Variants in CCBE1 observed in about 807,000 individuals in gnomAD.
The protein encoded by CCBE1 is collagen and calcium-binding EGF domain-containing protein 1.
In CCBE1, 37 loss-of-function variants were observed where a neutral mutation model predicts 50.0. The ratio of observed to expected loss-of-function variants is 0.74; its 90% confidence interval spans 0.57 to 0.97. The LOEUF (loss-of-function observed/expected upper bound fraction) is 0.97. CCBE1 is among the 50% of genes least tolerant of loss of function. The pLI is 0.00. For missense variants in CCBE1, 538 were observed against 523.8 expected, an observed-to-expected ratio of 1.03 and a Z score of -0.26; for synonymous variants, 234 against 203.7, an observed-to-expected ratio of 1.15 and a Z score of -1.27.
At chr18:59,537,982 C>T (rs1343682601) in intron 2 of CCBE1, among the ~76,000 whole-genome samples, 1 of 152,150 alleles carries the variant, frequency 6.6e-6, no homozygotes, top group African/African-American at 2.4e-5. Flanking sequence ...GAGTACATAG[C>T]ACATAGTAAA....
chr18:59,572,460 A>G (rs2052928256), intron 2 of CCBE1, among the ~76,000 whole-genome samples: 1 of 152,366 alleles, frequency 6.6e-6, no homozygotes, highest in Admixed American at 6.5e-5. Context: ...ATGGCACAAC[A>G]TAGACTTTAC....
chr18:59,523,705 T>C (rs1413719666), intron 2 of CCBE1, among the ~76,000 whole-genome samples: 1 of 152,178 alleles, frequency 6.6e-6, no homozygotes, highest in African/African-American at 2.4e-5. Flanking sequence ...GGTTGGATAA[T>C]GTTAAACGCT....
Position 59,432,366 on chromosome 18 carries a change from C to G in CCBE1, c.*3542G>C, listed in dbSNP as rs1237624576. 6.6e-6 allele frequency: 1 copy of G among 152,164 alleles called. No homozygotes were observed. Among genetic ancestry groups the G allele is most frequent in the African/African-American group, 2.4e-5 (1 of 41,428 alleles). 9.4% of individuals were successfully genotyped at this position (152,164 alleles called of 1,614,324 possible). ...GTGCAAAAAATCGAAGTCAACATTT[C>G]TACTAACAGGTTGAGGAGGTGTACA... On this transcript the variant is annotated 3_prime_UTR_variant, in exon 11 of 11. Transcript: ENST00000439986.
intron 2 of CCBE1, among the ~76,000 whole-genome samples, chr18:59,611,825 C>T (rs1361080421): frequency 1.3e-5 from 2 of 152,164 alleles, no homozygotes; most frequent in East Asian, 3.9e-4. Flanking sequence ...AAACTAAAGG[C>T]TTTGAAACTG....
intron 4 of CCBE1, among the ~76,000 whole-genome samples, chr18:59,468,405 T>A (rs372035322): frequency 6.7e-6 from 1 of 149,392 alleles, no homozygotes; most frequent in Non-Finnish European, 1.5e-5. Flanking sequence ...GCATAAAGAA[T>A]AGGGTACAGT....
At chr18:59,663,245 A>G (rs978608262) in intron 2 of CCBE1, among the ~76,000 whole-genome samples, 1 of 152,168 alleles carries the variant, frequency 6.6e-6, no homozygotes, top group Non-Finnish European at 1.5e-5. Context: ...GGAGGTAACT[A>G]GTGGTTTTTC....
chr18:59,678,169 G>T (rs1006123950), intron 2 of CCBE1, among the ~76,000 whole-genome samples: 5 of 152,140 alleles, frequency 3.3e-5, no homozygotes, highest in Non-Finnish European at 2.9e-5. Flanking sequence ...ATAGAAGGAG[G>T]GGGGAGGACT....
chr18:59,531,549 A>T (rs915685300), intron 2 of CCBE1, among the ~76,000 whole-genome samples: 2 of 152,060 alleles, frequency 1.3e-5, no homozygotes, highest in African/African-American at 4.8e-5. Flanking sequence ...AGAATTCAAG[A>T]CCAGCCTGGG....
intron 2 of CCBE1, among the ~76,000 whole-genome samples, chr18:59,588,606 G>T (rs1419195471): frequency 6.6e-6 from 1 of 152,154 alleles, no homozygotes; most frequent in Non-Finnish European, 1.5e-5. Flanking sequence ...CAGATAGCAA[G>T]AAGTATTTCT....
intron 2 of CCBE1, among the ~76,000 whole-genome samples, chr18:59,670,946 C>G (rs1461011256): frequency 6.6e-6 from 1 of 151,998 alleles, no homozygotes; most frequent in Non-Finnish European, 1.5e-5. Context: ...GAAACTGTCT[C>G]AAAAAAATAA....
intron 2 of CCBE1, among the ~76,000 whole-genome samples, chr18:59,567,299 A>AT (rs921684395): frequency 6.6e-6 from 1 of 151,736 alleles, no homozygotes; most frequent in African/African-American, 2.4e-5. Context: ...TACCCAGCTA[A>AT]TTTTTTGTAT....
At chr18:59,604,944 G>A (rs935192683) in intron 2 of CCBE1, among the ~76,000 whole-genome samples, 2 of 152,196 alleles carry the variant, frequency 1.3e-5, no homozygotes, top group African/African-American at 2.4e-5. Context: ...TAGGGGATCC[G>A]GCAGCTCCAG....
intron 2 of CCBE1, among the ~76,000 whole-genome samples, chr18:59,696,218 A>G (rs1380754266): frequency 1.3e-5 from 2 of 152,164 alleles, no homozygotes; most frequent in Admixed American, 6.5e-5. Context: ...CTCTGCCCCA[A>G]CAGAAGGTCA....
intron 4 of CCBE1, among the ~76,000 whole-genome samples, chr18:59,467,107 G>A (rs1036981710): frequency 1.3e-5 from 2 of 152,258 alleles, no homozygotes; most frequent in African/African-American, 4.8e-5. Context: ...GCTGATCAGT[G>A]ATGGGGTTCC....
intron 2 of CCBE1, among the ~76,000 whole-genome samples, chr18:59,536,668 C>A (rs1296795802): frequency 6.6e-6 from 1 of 152,126 alleles, no homozygotes; most frequent in Non-Finnish European, 1.5e-5. Flanking sequence ...ACAGGCATCT[C>A]CATTTCTTGA....
At chr18:59,588,055 C>T (rs2053203146) in intron 2 of CCBE1, among the ~76,000 whole-genome samples, 1 of 152,176 alleles carries the variant, frequency 6.6e-6, no homozygotes, top group South Asian at 2.1e-4. Context: ...TTCTTAAATT[C>T]ATCTATAGAT....
chr18:59,608,342 G>A (rs2144576964), intron 2 of CCBE1, among the ~76,000 whole-genome samples: 1 of 152,250 alleles, frequency 6.6e-6, no homozygotes, highest in Admixed American at 6.5e-5. Context: ...TTGTGTTCCA[G>A]ACCCCTTAGA....
In CCBE1 at chr18:59,675,584, T is replaced by C. The variant is rs189745744; in HGVS notation, c.212+21045A>G. Among the ~76,000 whole-genome samples, 151 of 152,312 alleles carry C rather than the reference T, an allele frequency of 9.9e-4. 2 individuals carry two copies. In the South Asian group the frequency reaches 0.022, roughly 22 times the overall value. ...TTCCTCCATCTCTCAACTCCATTCT[T>C]TTGATAATCCCCAGTGATTGTGAAC... On this transcript the variant is annotated intron_variant, in intron 2 of 10. Transcript: ENST00000439986.
chr18:59,447,529 G>C (rs1893789), intron 7 of CCBE1, among the ~76,000 whole-genome samples: 47,288 of 151,986 alleles, frequency 0.31, 7,535 homozygotes, highest in Admixed American at 0.33. Flanking sequence ...ATAAATATAG[G>C]TATAAATATG....
Sources: allele counts gnomAD v4.1 joint callset (sites outside exome capture counted in the v4.1 genomes callset), GRCh38; gene constraint gnomAD v4.1.1; transcripts MANE v1.5; gene names NCBI Gene and HGNC (gene_info 2026-07-23, HGNC 2026-07-21).